HIP1R: variants seen among roughly 807,000 people sequenced by gnomAD.
The protein encoded by HIP1R is huntingtin-interacting protein 1-related protein.
A neutral mutation model predicts 144.2 loss-of-function variants in HIP1R; 135 were observed. The observed-to-expected ratio is 0.94, with a 90% CI of 0.81 to 1.08. The LOEUF (loss-of-function observed/expected upper bound fraction) is 1.08, where lower values mean the gene tolerates loss of function less well. Ranked by LOEUF, HIP1R falls within the 50% of genes least tolerant of loss-of-function variation. HIP1R has a pLI of 0.00. For missense variants in HIP1R, 1,462 were observed against 1,432.8 expected (o/e 1.02, Z -0.33); for synonymous variants, 698 against 612.8 (o/e 1.14, Z -2.05).
Position 122,858,946 on chromosome 12 carries a change from G to GT in HIP1R, c.2158+2dup, listed in dbSNP as rs768122601. The GT allele has an allele frequency of 1.1e-5, 17 of 1,612,742 alleles. No individual in the cohort carries two copies. The highest frequency in any genetic ancestry group is 1.4e-5 in the Non-Finnish European group (17 of 1,179,626). On this transcript the variant is annotated splice_donor_variant, in intron 21 of 31. Coordinates refer to ENST00000253083, the MANE Select transcript of HIP1R (RefSeq NM_003959.3). LOFTEE classifies it high-confidence loss of function. ...CTGGCTCCCACCGACCCTGCCGACC[G>GT]TAAGTGGGTCCTGGGATGGCAGGTT... is the stretch of plus-strand genomic sequence containing the variant.
In HIP1R at chr12:122,840,008, C is replaced by T. The variant is rs923439099; in HGVS notation, c.93+4365C>T. On this transcript the variant is annotated intron_variant, in intron 1 of 31. Coordinates refer to ENST00000253083, the MANE Select transcript of HIP1R (RefSeq NM_003959.3). The surrounding 1 kb of genome is among the most constrained non-coding windows in gnomAD (Gnocchi z 4.2). The stretch of plus-strand genomic sequence containing the variant: ...TGATTTGCCCGCAGCATGGCATGGG[C>T]GTTGAGCTCGTTGTTCCTGGGCATG... 3.9e-5 allele frequency among the ~76,000 whole-genome samples: 6 copies of T among 152,246 alleles called. No homozygotes were observed. Among genetic ancestry groups the T allele is most frequent in the Non-Finnish European group, 5.9e-5 (4 of 68,034 alleles).
At chr12:122,859,632 C>T (rs1357249830) in intron 23 of HIP1R, 96 bp downstream of exon 23, 5 of 1,345,870 alleles carry the variant, frequency 3.7e-6, no homozygotes, top group South Asian at 1.3e-5. Flanking sequence ...CACTCCTGCT[C>T]TCAGCCTCCA....
chr12:122,854,769 G>C, intron 8 of HIP1R, 136 bp from the exon 9 acceptor site: 1 of 837,266 alleles, frequency 1.2e-6, no homozygotes, highest in Non-Finnish European at 1.9e-6. Flanking sequence ...TCCCCATCCC[G>C]ATGGGAGAGC....
intron 5 of HIP1R, 148 bp downstream of exon 5, chr12:122,850,103 G>A (rs1462140176): frequency 2.8e-6 from 2 of 713,452 alleles, no homozygotes; most frequent in Non-Finnish European, 5.1e-6. Flanking sequence ...TGACTAAAGG[G>A]GAGACGGGGA....
At chr12:122,845,123 C>T (rs1050508512) in intron 1 of HIP1R, among the ~76,000 whole-genome samples, 1 of 152,228 alleles carries the variant, frequency 6.6e-6, no homozygotes, top group Non-Finnish European at 1.5e-5. Context: ...GTGTGGGTCT[C>T]ACCACAGAGT....
Position 122,859,110 on chromosome 12 carries a change from G to A in HIP1R, c.2208G>A (p.Met736Ile). 6.3e-7 allele frequency: 1 copy of A among 1,599,440 alleles called. No individual in the cohort carries two copies. The highest frequency in any genetic ancestry group is 8.5e-7 in the Non-Finnish European group (1 of 1,173,768). Reference protein sequence around the residue: ...RECGARALELMGQLQDQQALR... With the variant: ...RECGARALELIGQLQDQQALR... ...GCGGGGCCCGGGCTCTGGAGCTCAT[G>A]GGGCAGCTGCAGGACCAGCAGGCTC... Residue 736 changes from methionine (M) to isoleucine (I), a missense_variant, in exon 22 of 32, where the codon ATG (methionine) becomes ATA (isoleucine). By Grantham distance (10) the Met-to-Ile change is conservative. Transcript: ENST00000253083.
At chr12:122,844,051 C>G in intron 1 of HIP1R, among the ~76,000 whole-genome samples, 1 of 152,154 alleles carries the variant, frequency 6.6e-6, no homozygotes, top group African/African-American at 2.4e-5. Context: ...GTTGGCCAGG[C>G]TGGTCTCAAA....
At position 122,840,894 on chromosome 12, in the gene HIP1R, T is replaced by C. The variant is rs2135631605; in HGVS notation, c.93+5251T>C. On this transcript the variant is annotated intron_variant, in intron 1 of 31. Coordinates refer to ENST00000253083, the MANE Select transcript of HIP1R (RefSeq NM_003959.3). This position sits in a 1 kb window ranked among gnomAD's most constrained non-coding sequence, Gnocchi z 4.2. Reference sequence around the variant, plus strand: ...CCTTGCCTGGCAGAACTGCTCACCCTCTGAATAGGGACAGGCGCAGACGAG... The same window carrying C: ...CCTTGCCTGGCAGAACTGCTCACCCCCTGAATAGGGACAGGCGCAGACGAG... Among the ~76,000 whole-genome samples the C allele has an allele frequency of 6.6e-6, 1 of 152,260 alleles. No homozygotes were observed. The highest frequency in any genetic ancestry group is 2.1e-4 in the South Asian group (1 of 4,816).
rs765482688 is a variant in HIP1R, at chr12:122,856,129, C to G, written c.1278C>G (p.Gly426=). 1.4e-5 allele frequency: 22 copies of G among 1,589,414 alleles called. No homozygotes were observed. The highest frequency in any genetic ancestry group is 1.7e-4 in the Middle Eastern group (1 of 5,920). The change falls in exon 14 of 32, where the codon GGC becomes GGG. Residue 426 remains glycine (G), a synonymous_variant. Coordinates refer to ENST00000253083, the MANE Select transcript of HIP1R (RefSeq NM_003959.3). ...AGCTGAGGGCTGCCCAGCTGGAGGG[C>G]GAGCGGAGCCAGGGCCTGCGTGAGG... is the stretch of plus-strand genomic sequence containing the variant. ...LAQLRAAQLE[G]ERSQGLREEA...
chr12:122,860,798 C>T lies in HIP1R; in HGVS notation c.2766+14C>T, dbSNP rs2033746119. 6.2e-7 allele frequency: 1 copy of T among 1,610,640 alleles called. No homozygotes were observed. The highest frequency in any genetic ancestry group is 1.3e-5 in the African/African-American group (1 of 74,842). On this transcript the variant is annotated intron_variant, in intron 28 of 31. Coordinates refer to ENST00000253083, the MANE Select transcript of HIP1R (RefSeq NM_003959.3). ...GCGGCCTCCAAGGTGAGCTTGCACG[C>T]CGACAGCAGCACACTGGGCTCTGGG... is the stretch of plus-strand genomic sequence containing the variant.
Position 122,855,599 on chromosome 12 carries a change from G to A in HIP1R, c.1042G>A (p.Val348Met). 6.5e-7 allele frequency: 1 copy of A among 1,549,902 alleles called. No individual in the cohort carries two copies. Among genetic ancestry groups the A allele is most frequent in the South Asian group, 1.2e-5 (1 of 83,982 alleles). ...GACGTTTGGACCCCCCAATGGGTCT[G>A]TGAAGGACGACAGGTGAGGGCTGGA... is the stretch of plus-strand genomic sequence containing the variant. ...DQTFGPPNGS[V>M]KDDRDLQIES... The change falls in exon 12 of 32, where the codon GTG becomes ATG. Residue 348 changes from valine (V) to methionine (M), a missense_variant. Transcript: ENST00000253083.
At chr12:122,858,296 C>G (rs774899800) in intron 19 of HIP1R, 47 bp downstream of exon 19, 2 of 1,584,908 alleles carry the variant, frequency 1.3e-6, no homozygotes, top group African/African-American at 2.7e-5. Context: ...TCCTTCCCAT[C>G]CCCAGCCCTG....
In HIP1R at chr12:122,848,523, T is replaced by C. The variant is rs572028651; in HGVS notation, c.215T>C (p.Ile72Thr). 35 of 1,613,338 alleles carry C rather than the reference T, an allele frequency of 2.2e-5. No individual in the cohort carries two copies. The East Asian group carries it at 4.2e-4, about 20-fold the overall frequency. The change falls in exon 3 of 32, where the codon ATT becomes ACT. Residue 72 changes from isoleucine (I) to threonine (T), a missense_variant. This residue lies in a region of HIP1R where 350 missense variants were observed against 421.1 expected (regional missense o/e 0.83). Transcript: ENST00000253083. The part of the protein sequence containing the change: ...KGAFTFWSYA[I>T]GLPLPSSSIL... Reference sequence around the variant, plus strand: ...GCTTTCACCTTCTGGTCCTACGCCATTGGGCTGCCGCTGCCCAGCAGCTCC... The same window carrying C: ...GCTTTCACCTTCTGGTCCTACGCCACTGGGCTGCCGCTGCCCAGCAGCTCC...
At position 122,862,841 on chromosome 12, in the gene HIP1R, A is replaced by C. The variant is rs1163370075; in HGVS notation, c.*1088A>C. On this transcript the variant is annotated 3_prime_UTR_variant, in exon 32 of 32. Transcript: ENST00000253083. ...CACCCTGTGCTCTGGAAAGGCTACCAAATACTGGCCAAGGTCAGGAGGAGC... is the reference window on the plus strand; with the variant it reads ...CACCCTGTGCTCTGGAAAGGCTACCCAATACTGGCCAAGGTCAGGAGGAGC... 1.3e-5 allele frequency: 2 copies of C among 152,092 alleles called. No homozygotes were observed. Among genetic ancestry groups the C allele is most frequent in the Non-Finnish European group, 2.9e-5 (2 of 68,010 alleles). 9.4% of individuals were successfully genotyped at this position (152,092 alleles called of 1,614,324 possible).
chr12:122,858,510 T>C, intron 20 of HIP1R, 75 bp downstream of exon 20: 2 of 1,271,818 alleles, frequency 1.6e-6, no homozygotes, highest in African/African-American at 3.0e-5. Context: ...TCTTGCCTTT[T>C]GGGAGGTTTA....
intron 22 of HIP1R, 68 bp from the exon 23 acceptor site, chr12:122,859,358 C>T: frequency 6.6e-7 from 1 of 1,513,200 alleles, no homozygotes; most frequent in Admixed American, 1.7e-5. Context: ...TCCCCAACCT[C>T]TTTCCCAGGC....
chr12:122,854,441 A>G (rs921477436), intron 8 of HIP1R, among the ~76,000 whole-genome samples: 1 of 151,672 alleles, frequency 6.6e-6, no homozygotes, highest in Non-Finnish European at 1.5e-5. Flanking sequence ...GCCAAGACGG[A>G]GGCCCCAGCT....
chr12:122,851,845 T>TC (rs2033408800), intron 7 of HIP1R, among the ~76,000 whole-genome samples: 1 of 152,078 alleles, frequency 6.6e-6, no homozygotes, highest in African/African-American at 2.4e-5. Flanking sequence ...TGAGTGTCAC[T>TC]CCATCAGCCC....
At position 122,855,088 on chromosome 12, in the gene HIP1R, T is replaced by C. The variant is rs775658240; in HGVS notation, c.812T>C (p.Leu271Pro). ...TTCTTCCGCAGAGCCTCCGACATGC[T>C]GTACTTCAAGCGGCTCATCCAGATC... Reference protein sequence around the residue: ...RNFFRRASDMLYFKRLIQIPR... With the variant: ...RNFFRRASDMPYFKRLIQIPR... The change falls in exon 10 of 32, where the codon CTG becomes CCG. Residue 271 changes from leucine (L) to proline (P), a missense_variant. Leu to Pro is a moderately conservative substitution (Grantham distance 98). This residue lies in a region of HIP1R where 350 missense variants were observed against 421.1 expected (regional missense o/e 0.83). Coordinates refer to ENST00000253083, the MANE Select transcript of HIP1R (RefSeq NM_003959.3). 2 of 1,613,826 alleles carry C rather than the reference T, an allele frequency of 1.2e-6. No individual in the cohort carries two copies. The highest frequency in any genetic ancestry group is 1.1e-5 in the South Asian group (1 of 91,086).
Sources: gnomAD v4.1 joint callset for allele counts (sites outside exome capture counted in the v4.1 genomes callset) on GRCh38, gnomAD v4.1.1 for gene constraint, gnomAD v4.1.1 regional missense constraint, Gnocchi (gnomAD v3.1) non-coding constraint, MANE v1.5 for transcripts, NCBI Gene and HGNC (gene_info 2026-07-23, HGNC 2026-07-21) for gene names.